The following EIF3K variants were observed in gnomAD, a reference collection of about 807,000 sequenced individuals.
The protein encoded by EIF3K is eIF-3 p28.
Under a neutral mutation model 34.2 loss-of-function variants are expected in EIF3K, and 27 were observed. The ratio of observed to expected loss-of-function variants is 0.79; its 90% CI spans 0.58 to 1.09. EIF3K has a LOEUF of 1.09. Ranked by LOEUF, EIF3K falls within the 50% of genes least tolerant of loss-of-function variation. EIF3K has a pLI of 0.00. For missense variants in EIF3K, 232 were observed against 275.4 expected (o/e 0.84, Z 1.11); for synonymous variants, 105 against 105.7 (o/e 0.99, Z 0.04).
Position 38,632,604 on chromosome 19 carries a change from T to A in EIF3K, c.425T>A (p.Ile142Asn). Residue 142 changes from isoleucine (I) to asparagine (N), a missense_variant, in exon 6 of 8, where the codon ATC (isoleucine) becomes AAC (asparagine). Ile to Asn is a moderately radical substitution (Grantham distance 149). Transcript: ENST00000248342. ...GTTTTGTCTCTGACCTCCACAGTTA[T>A]CTGCCATGTTGTGGGTATCACTTAC... is the stretch of plus-strand genomic sequence containing the variant. ...TGFEDSVRKF[I>N]CHVVGITYQH... The A allele has an allele frequency of 6.2e-7, 1 of 1,613,914 alleles. No homozygotes were observed. The highest frequency in any genetic ancestry group is 8.5e-7 in the Non-Finnish European group (1 of 1,179,890).
At chr19:38,625,305 G>A (rs560135416) in intron 3 of EIF3K, among the ~76,000 whole-genome samples, 3 of 151,810 alleles carry the variant, frequency 2.0e-5, no homozygotes, top group African/African-American at 4.8e-5. Context: ...GGGACCACAG[G>A]TGCATGCATG....
At chr19:38,636,799 C>G in intron 7 of EIF3K, 90 bp from the exon 8 acceptor site, 1 of 1,464,976 alleles carries the variant, frequency 6.8e-7, no homozygotes, top group Non-Finnish European at 9.6e-7. Flanking sequence ...TTTATGATCT[C>G]CCCCTAAAGA....
intron 3 of EIF3K, among the ~76,000 whole-genome samples, chr19:38,625,413 G>A (rs547449262): frequency 9.2e-5 from 14 of 151,712 alleles, no homozygotes; most frequent in Non-Finnish European, 7.4e-5. Context: ...TGATCCACCC[G>A]CCTCAGCCTC....
rs147070136 is a variant in EIF3K at position 38,626,864 on chromosome 19, T to G, written c.354+762T>G. On this transcript the variant is annotated intron_variant, in intron 4 of 7. Coordinates refer to ENST00000248342, the MANE Select transcript of EIF3K (RefSeq NM_013234.4). ...CGCCATTGCCTAGGCTGTAGTACAGTGGCACGATCTTGGCTCACTGCAACC... is the reference window on the plus strand; with the variant it reads ...CGCCATTGCCTAGGCTGTAGTACAGGGGCACGATCTTGGCTCACTGCAACC... Among the ~76,000 whole-genome samples, 56 of 152,348 alleles carry G rather than the reference T, an allele frequency of 3.7e-4. No individual in the cohort carries two copies. The East Asian group carries it at 0.011, about 29-fold the overall frequency.
At chr19:38,631,766 C>T (rs142629685) in intron 4 of EIF3K, among the ~76,000 whole-genome samples, 4,349 of 152,336 alleles carry the variant, frequency 0.029, 176 homozygotes, top group African/African-American at 0.098. Flanking sequence ...AAACCTTGGA[C>T]AATACCTGGC....
intron 6 of EIF3K, 73 bp from the exon 7 acceptor site, chr19:38,634,920 C>T: frequency 6.2e-7 from 1 of 1,600,860 alleles, no homozygotes; most frequent in Non-Finnish European, 8.5e-7. Context: ...AGCCATGACT[C>T]TGTTGCCTCT....
intron 2 of EIF3K, among the ~76,000 whole-genome samples, chr19:38,623,171 T>G (rs1408560013): frequency 2.6e-5 from 4 of 152,248 alleles, no homozygotes; most frequent in Admixed American, 2.6e-4. Flanking sequence ...GTTTAGAGAT[T>G]GCAGTAAAGA....
intron 4 of EIF3K, among the ~76,000 whole-genome samples, chr19:38,630,382 T>A (rs1976039259): frequency 6.6e-6 from 1 of 150,734 alleles, no homozygotes; most frequent in Admixed American, 6.7e-5. Flanking sequence ...TCTCGCGCTG[T>A]CGCCCAGGCT....
chr19:38,622,530 G>C (rs753380992), intron 2 of EIF3K, among the ~76,000 whole-genome samples: 1 of 152,210 alleles, frequency 6.6e-6, no homozygotes, highest in South Asian at 2.1e-4. Flanking sequence ...TGGAGGCAGG[G>C]CGAGATCACA....
chr19:38,635,100 G>C lies in EIF3K; in HGVS notation c.607G>C (p.Glu203Gln), dbSNP rs1976162025. The change falls in exon 7 of 8, where the codon GAG (glutamate) becomes CAG (glutamine). Residue 203 changes from glutamate to glutamine, a missense_variant. Transcript: ENST00000248342. ...GAGCATTAAACCCAAGAACATTGTG[G>C]AGAAGATTGACTTTGACAGTGAGTG... ...EESIKPKNIV[E>Q]KIDFDSVSSI... 1.2e-6 allele frequency: 2 copies of C among 1,614,086 alleles called. No individual in the cohort carries two copies. The highest frequency in any genetic ancestry group is 1.7e-6 in the Non-Finnish European group (2 of 1,180,040).
rs1245473508 is a variant in EIF3K, at chr19:38,635,280, C to T, written c.625+162C>T. ...CACCTTGTGTCTTGGGGCTCCCGCCCAGGAGGAATAGCGGGGAGCTGGGTG... is the reference window on the plus strand; with the variant it reads ...CACCTTGTGTCTTGGGGCTCCCGCCTAGGAGGAATAGCGGGGAGCTGGGTG... On this transcript the variant is annotated intron_variant, in intron 7 of 7. Transcript: ENST00000248342. 1.5e-5 allele frequency: 15 copies of T among 1,017,352 alleles called. No individual in the cohort carries two copies. The Admixed American group carries it at 3.5e-4, about 24-fold the overall frequency. The allele number at this position is 1,017,352 out of a possible 1,614,324, so 63.0% of individuals were successfully genotyped here.
chr19:38,625,568 G>A (rs935376392), intron 3 of EIF3K, among the ~76,000 whole-genome samples: 1 of 150,876 alleles, frequency 6.6e-6, no homozygotes, highest in Non-Finnish European at 1.5e-5. Flanking sequence ...GGCGTGCAAA[G>A]GCGTGATCTT....
In EIF3K at chr19:38,635,351, C is replaced by T. The variant is rs550637129; in HGVS notation, c.625+233C>T. On this transcript the variant is annotated intron_variant, in intron 7 of 7. Coordinates refer to ENST00000248342, the MANE Select transcript of EIF3K (RefSeq NM_013234.4). ...GCCCTGTGTCCTGCCCCATAGCACT[C>T]AGCAAGACTTCCTGGGGCCCAGCGG... 33 of 576,068 alleles carry T rather than the reference C, an allele frequency of 5.7e-5. No individual in the cohort carries two copies. The Admixed American group carries it at 7.7e-4, about 13-fold the overall frequency. The allele number at this position is 576,068 out of a possible 1,614,324, so 35.7% of individuals were successfully genotyped here.
At chr19:38,622,152 C>T (rs1435076321) in intron 2 of EIF3K, among the ~76,000 whole-genome samples, 5 of 149,910 alleles carry the variant, frequency 3.3e-5, no homozygotes, top group African/African-American at 1.2e-4. Flanking sequence ...GGCTAGAGTG[C>T]CTTGGCGTGA....
Position 38,619,297 on chromosome 19 carries a change from A to C in EIF3K, c.29A>C (p.Asn10Thr). The change falls in exon 1 of 8, where the codon AAC (asparagine) becomes ACC (threonine). Residue 10 changes from asparagine to threonine, a missense_variant. Asn to Thr is a moderately conservative substitution (Grantham distance 65). Transcript: ENST00000248342. MAMFEQMRA[N>T]VGKLLKGIDR... is the part of the protein sequence containing the mutation. Reference sequence around the variant, plus strand: ...GCGATGTTTGAGCAGATGAGAGCCAACGTGGGCAAGTTGCTCAAGGGTATC... The same window carrying C: ...GCGATGTTTGAGCAGATGAGAGCCACCGTGGGCAAGTTGCTCAAGGGTATC... The C allele has an allele frequency of 6.2e-7, 1 of 1,614,094 alleles. No individual in the cohort carries two copies. The highest frequency in any genetic ancestry group is 8.5e-7 in the Non-Finnish European group (1 of 1,179,960).
At chr19:38,627,795 G>T (rs1009239719) in intron 4 of EIF3K, among the ~76,000 whole-genome samples, 5 of 151,740 alleles carry the variant, frequency 3.3e-5, no homozygotes, top group Non-Finnish European at 7.4e-5. Flanking sequence ...TGGGTCCCTT[G>T]CTCTCTTGGC....
intron 4 of EIF3K, among the ~76,000 whole-genome samples, chr19:38,627,266 G>A (rs933551238): frequency 3.9e-5 from 6 of 152,040 alleles, no homozygotes; most frequent in Non-Finnish European, 4.4e-5. Context: ...GATTATAGGC[G>A]TGAACCACCA....
At chr19:38,632,388 A>C (rs1173108020) in intron 4 of EIF3K, 42 bp from the exon 5 acceptor site, 34 of 1,578,460 alleles carry the variant, frequency 2.2e-5, no homozygotes, top group Non-Finnish European at 2.9e-5. Flanking sequence ...AAAGCAAATA[A>C]TTTAAAAGAA....
At chr19:38,628,434 C>T (rs1005265971) in intron 4 of EIF3K, 9 of 152,482 alleles carry the variant, frequency 5.9e-5, no homozygotes, top group African/African-American at 2.2e-4. Flanking sequence ...CTTCTCAGCT[C>T]ACCCCCACAG....
Sources: gnomAD v4.1 joint callset for allele counts (sites outside exome capture counted in the v4.1 genomes callset) on GRCh38, gnomAD v4.1.1 for gene constraint, MANE v1.5 for transcripts, NCBI Gene and HGNC (gene_info 2026-07-23, HGNC 2026-07-21) for gene names.